Variants in PACRG observed in about 807,000 individuals in gnomAD.
PACRG encodes parkin coregulated gene protein.
Under a neutral mutation model 29.7 loss-of-function variants are expected in PACRG, and 29 were observed. The observed-to-expected ratio is 0.98, with a 90% CI of 0.73 to 1.33. PACRG has a LOEUF of 1.33. Among genes scored for constraint, PACRG ranks in the 40% most tolerant of loss-of-function variants. The probability of loss-of-function intolerance (pLI) is 0.00; values close to 1 mark genes in which losing one functional copy is unlikely to be tolerated. For synonymous variants in PACRG, 116 were observed against 118.7 expected (o/e 0.98, Z 0.15); for missense variants, 279 against 316.2 (o/e 0.88, Z 0.89).
intron 2 of PACRG, among the ~76,000 whole-genome samples, chr6:162,822,092 A>T (rs916877586): frequency 6.6e-6 from 1 of 152,212 alleles, no homozygotes; most frequent in Non-Finnish European, 1.5e-5. Flanking sequence ...TCAAAGGAAC[A>T]TTCATGGTCC....
chr6:162,989,750 T>TA (rs1803261995), intron 2 of PACRG, among the ~76,000 whole-genome samples: 2 of 151,892 alleles, frequency 1.3e-5, no homozygotes, highest in Admixed American at 6.6e-5. Flanking sequence ...TCTTTTTTTT[T>TA]ATTATACTTT....
chr6:163,067,967 A>T (rs988521379), intron 3 of PACRG, among the ~76,000 whole-genome samples: 3 of 152,188 alleles, frequency 2.0e-5, no homozygotes, highest in African/African-American at 7.2e-5. Flanking sequence ...AAAGAATATT[A>T]TTTTCAAAAT....
chr6:163,236,725 G>A (rs1254963463), intron 4 of PACRG, among the ~76,000 whole-genome samples: 1 of 152,218 alleles, frequency 6.6e-6, no homozygotes, highest in East Asian at 1.9e-4. Flanking sequence ...ATGGTTGATT[G>A]TATTAGTCCG....
chr6:163,219,236 G>C (rs1781481784), intron 4 of PACRG, among the ~76,000 whole-genome samples: 1 of 152,114 alleles, frequency 6.6e-6, no homozygotes, highest in African/African-American at 2.4e-5. Context: ...TTCCCTCTCA[G>C]CCAATGCCAC....
chr6:162,873,764 CTCACATCTTA>C (rs1793026112), intron 2 of PACRG, among the ~76,000 whole-genome samples: 1 of 152,146 alleles, frequency 6.6e-6, no homozygotes, highest in Non-Finnish European at 1.5e-5. Flanking sequence ...CTTTCAGTGA[CTCACATCTTA>C]TCATCAGGCC....
intron 4 of PACRG, among the ~76,000 whole-genome samples, chr6:163,202,992 G>A (rs1169768501): frequency 2.6e-5 from 4 of 152,192 alleles, no homozygotes; most frequent in African/African-American, 9.6e-5. Context: ...GGAAGGGGCT[G>A]TGGGGGAAGC....
At chr6:163,196,907 TAGAC>T (rs922255588) in intron 4 of PACRG, among the ~76,000 whole-genome samples, 6 of 145,348 alleles carry the variant, frequency 4.1e-5, no homozygotes, top group Admixed American at 1.4e-4. Context: ...GTAGACAGAC[TAGAC>T]AGACAGACTA....
chr6:163,202,858 G>A (rs778566014), intron 4 of PACRG, among the ~76,000 whole-genome samples: 4 of 152,136 alleles, frequency 2.6e-5, no homozygotes, highest in Admixed American at 2.0e-4. Flanking sequence ...AGGAGTGGTC[G>A]GGAGGCCAGG....
At chr6:162,963,378 T>G (rs1800784333) in intron 2 of PACRG, among the ~76,000 whole-genome samples, 1 of 152,230 alleles carries the variant, frequency 6.6e-6, no homozygotes, top group Admixed American at 6.5e-5. Flanking sequence ...TATAAGGTGC[T>G]GATAAAACTC....
At chr6:163,128,125 A>G (rs566209292) in intron 4 of PACRG, among the ~76,000 whole-genome samples, 1 of 152,366 alleles carries the variant, frequency 6.6e-6, no homozygotes, top group South Asian at 2.1e-4. Flanking sequence ...CTCTCTACTC[A>G]GGAAAGCCAC....
intron 4 of PACRG, among the ~76,000 whole-genome samples, chr6:163,243,965 C>A (rs764758267): frequency 1.3e-4 from 20 of 152,200 alleles, no homozygotes; most frequent in Non-Finnish European, 2.5e-4. Flanking sequence ...AGAGACTGAG[C>A]AAGCATTTAC....
In PACRG at chr6:163,273,046, T is replaced by G. The variant is rs945008780; in HGVS notation, c.614-41781T>G. ...AGCTGGGACTACAGGCGCCCGCCAC[T>G]ACGCCCGGCTAATTTTTTGTATTTT... is the stretch of plus-strand genomic sequence containing the variant. On this transcript the variant is annotated intron_variant, in intron 4 of 4. Coordinates refer to ENST00000366888, the MANE Select transcript of PACRG (RefSeq NM_001080379.2). 4.7e-4 allele frequency among the ~76,000 whole-genome samples: 69 copies of G among 147,792 alleles called. 1 individual carries two copies. Among genetic ancestry groups the G allele is most frequent in the Non-Finnish European group, 8.1e-4 (55 of 67,532 alleles).
intron 4 of PACRG, among the ~76,000 whole-genome samples, chr6:163,261,208 T>C (rs772172860): frequency 3.3e-5 from 5 of 152,152 alleles, no homozygotes; most frequent in Non-Finnish European, 5.9e-5. Context: ...CTTAGCTGCC[T>C]GTCATCATGC....
At chr6:163,290,274 G>GCA (rs1261681091) in intron 4 of PACRG, among the ~76,000 whole-genome samples, 2 of 86,964 alleles carry the variant, frequency 2.3e-5, no homozygotes, top group African/African-American at 4.6e-5. Context: ...GCACGCGCGC[G>GCA]CGCGCACACA....
At chr6:162,878,188 A>G (rs1014051667) in intron 2 of PACRG, among the ~76,000 whole-genome samples, 1 of 152,238 alleles carries the variant, frequency 6.6e-6, no homozygotes, top group Admixed American at 6.5e-5. Context: ...ATGCAAGTGT[A>G]AAGTGTAAGA....
chr6:162,866,812 A>C (rs1043429851), intron 2 of PACRG, among the ~76,000 whole-genome samples: 32 of 152,178 alleles, frequency 2.1e-4, no homozygotes, highest in African/African-American at 7.7e-4. Context: ...AAGTGCACCC[A>C]ACCGAACCAA....
At chr6:162,850,185 A>T (rs545238298) in intron 2 of PACRG, among the ~76,000 whole-genome samples, 1 of 152,354 alleles carries the variant, frequency 6.6e-6, no homozygotes, top group South Asian at 2.1e-4. Flanking sequence ...GTAAAATCAA[A>T]GTTCATCAGA....
chr6:162,785,347 C>T lies in PACRG; in HGVS notation c.157-28800C>T, dbSNP rs534393750. 2.6e-5 allele frequency among the ~76,000 whole-genome samples: 4 copies of T among 152,184 alleles called. No individual in the cohort carries two copies. In the East Asian group the frequency reaches 5.8e-4, roughly 22 times the overall value. ...GCAATATTTTGGGGTTATCATATTG[C>T]CAAAGAAACCATGAGTTAAGACTAA... On this transcript the variant is annotated intron_variant, in intron 1 of 4. Transcript: ENST00000366888.
intron 4 of PACRG, among the ~76,000 whole-genome samples, chr6:163,235,034 A>G (rs1334083487): frequency 6.6e-6 from 1 of 152,210 alleles, no homozygotes; most frequent in Non-Finnish European, 1.5e-5. Flanking sequence ...TATGAGCTCC[A>G]TGAAACTGAA....
Sources: allele counts gnomAD v4.1 joint callset (sites outside exome capture counted in the v4.1 genomes callset), GRCh38; gene constraint gnomAD v4.1.1; transcripts MANE v1.5; gene names NCBI Gene and HGNC (gene_info 2026-07-23, HGNC 2026-07-21).